The following NEGR1 variants were observed in gnomAD, a reference collection of about 807,000 sequenced individuals.
NEGR1 encodes the protein neuronal growth regulator 1.
A neutral mutation model predicts 40.9 loss-of-function variants in NEGR1; 10 were observed. The observed-to-expected ratio is 0.24, with a 90% CI of 0.15 to 0.42. NEGR1 has a LOEUF of 0.42. Ranked by LOEUF, NEGR1 falls within the 10% of genes least tolerant of loss-of-function variation. The probability of loss-of-function intolerance (pLI) is 1.00; values close to 1 mark genes in which losing one functional copy is unlikely to be tolerated. For missense variants in NEGR1, 352 were observed against 438.9 expected, an observed-to-expected ratio of 0.80 and a Z score of 1.77; for synonymous variants, 185 against 166.8, an observed-to-expected ratio of 1.11 and a Z score of -0.84.
intron 2 of NEGR1, among the ~76,000 whole-genome samples, chr1:71,915,190 A>C (rs1473059792): frequency 6.6e-6 from 1 of 152,190 alleles, no homozygotes; most frequent in Non-Finnish European, 1.5e-5. Context: ...TCTGATTTTA[A>C]AAAGTGACTA....
chr1:72,032,819 C>T (rs1016846833), intron 1 of NEGR1, among the ~76,000 whole-genome samples: 1 of 151,864 alleles, frequency 6.6e-6, no homozygotes, highest in African/African-American at 2.4e-5. Flanking sequence ...GAGTAGACTC[C>T]AGCAATTTAG....
At chr1:71,622,834 G>A (rs1423551312) in intron 4 of NEGR1, among the ~76,000 whole-genome samples, 3 of 151,814 alleles carry the variant, frequency 2.0e-5, no homozygotes, top group African/African-American at 4.8e-5. Context: ...CTCAGAGCCA[G>A]TTTCCTCCAA....
chr1:72,107,249 T>C (rs1040070700), intron 1 of NEGR1, among the ~76,000 whole-genome samples: 1 of 151,694 alleles, frequency 6.6e-6, no homozygotes, highest in Non-Finnish European at 1.5e-5. Context: ...ACCATACTTA[T>C]GAATAGAATG....
intron 1 of NEGR1, among the ~76,000 whole-genome samples, chr1:72,010,096 G>A (rs548311755): frequency 1.2e-4 from 19 of 152,262 alleles, no homozygotes; most frequent in Non-Finnish European, 2.9e-5. Context: ...TGTCCAGCCA[G>A]CTTGTCAGTT....
intron 4 of NEGR1, among the ~76,000 whole-genome samples, chr1:71,639,126 G>A (rs1221863378): frequency 6.7e-6 from 1 of 150,214 alleles, no homozygotes; most frequent in African/African-American, 2.4e-5. Flanking sequence ...GGTGCTCAGA[G>A]TACAGTGTAA....
Position 71,935,291 on chromosome 1 carries a change from G to A in NEGR1, c.197C>T (p.Ala66Val). 1 of 1,613,058 alleles carries A rather than the reference G, an allele frequency of 6.2e-7. No individual in the cohort carries two copies. Among genetic ancestry groups the A allele is most frequent in the Non-Finnish European group, 8.5e-7 (1 of 1,179,144 alleles). Reference protein sequence around the residue: ...AVLRCYLEDGASKGAWLNRSS... With the variant: ...AVLRCYLEDGVSKGAWLNRSS... The stretch of plus-strand genomic sequence containing the variant: ...CCGGTTCAGCCAGGCACCCTTTGAA[G>A]CTCCATCTTCCAAATAACACCTACA... Residue 66 changes from alanine (A) to valine (V), a missense_variant, in exon 2 of 7, where the codon GCT becomes GTT. By Grantham distance (64) the Ala-to-Val change is moderately conservative (BLOSUM62 0). Coordinates refer to ENST00000357731, the MANE Select transcript of NEGR1 (RefSeq NM_173808.3).
At chr1:72,064,114 C>T (rs967401165) in intron 1 of NEGR1, among the ~76,000 whole-genome samples, 1 of 151,768 alleles carries the variant, frequency 6.6e-6, no homozygotes, top group Non-Finnish European at 1.5e-5. Flanking sequence ...TACTCAGAAT[C>T]ATACTGGCCA....
intron 6 of NEGR1, among the ~76,000 whole-genome samples, chr1:71,458,676 AT>A (rs1646692666): frequency 6.6e-6 from 1 of 152,166 alleles, no homozygotes; most frequent in South Asian, 2.1e-4. Flanking sequence ...ATGGCACATA[AT>A]ACATATCCAT....
chr1:71,474,717 C>CAGAAAAAAAAA (rs1646808164), intron 6 of NEGR1, among the ~76,000 whole-genome samples: 1 of 86,032 alleles, frequency 1.2e-5, no homozygotes, highest in South Asian at 4.6e-4. Flanking sequence ...GACTCTATCT[C>CAGAAAAAAAAA]AAAAAAAAAA....
intron 6 of NEGR1, among the ~76,000 whole-genome samples, chr1:71,579,411 T>C (rs575260582): frequency 6.6e-6 from 1 of 152,288 alleles, no homozygotes; most frequent in South Asian, 2.1e-4. Context: ...ACTAGGCATA[T>C]AGATAATAAA....
intron 6 of NEGR1, among the ~76,000 whole-genome samples, chr1:71,449,982 T>A (rs1473958344): frequency 6.7e-6 from 1 of 149,144 alleles, no homozygotes; most frequent in Non-Finnish European, 1.5e-5. Context: ...ATTTTTGGAA[T>A]TTTATATAGA....
intron 1 of NEGR1, among the ~76,000 whole-genome samples, chr1:72,082,824 AT>A (rs1648060878): frequency 1.3e-5 from 2 of 152,132 alleles, no homozygotes; most frequent in South Asian, 2.1e-4. Flanking sequence ...TTCTTAACCA[AT>A]TTTTGCATTA....
chr1:71,417,182 C>T (rs1646361585), intron 6 of NEGR1, among the ~76,000 whole-genome samples: 1 of 152,172 alleles, frequency 6.6e-6, no homozygotes, highest in African/African-American at 2.4e-5. Flanking sequence ...CTTTATCACT[C>T]TCATGTGCAT....
chr1:71,661,831 A>G (rs1258755549), intron 4 of NEGR1, among the ~76,000 whole-genome samples: 2 of 152,168 alleles, frequency 1.3e-5, no homozygotes, highest in Admixed American at 6.5e-5. Flanking sequence ...GCTTAGAAGA[A>G]ACTGTATCAT....
chr1:71,417,037 C>T (rs972396060), intron 6 of NEGR1, among the ~76,000 whole-genome samples: 1 of 152,146 alleles, frequency 6.6e-6, no homozygotes, highest in African/African-American at 2.4e-5. Flanking sequence ...GACAAGGACT[C>T]AGGTATTCTG....
At position 71,909,914 on chromosome 1, in the gene NEGR1, A is replaced by C. The variant is rs1661377634; in HGVS notation, c.409+25165T>G. Among the ~76,000 whole-genome samples the C allele has an allele frequency of 2.6e-5, 4 of 152,188 alleles. No homozygotes were observed. In the South Asian group the frequency reaches 8.3e-4, roughly 32 times the overall value. On this transcript the variant is annotated intron_variant, in intron 2 of 6. Coordinates refer to ENST00000357731, the MANE Select transcript of NEGR1 (RefSeq NM_173808.3). ...AGTCATCAATTGTAGTTATGCATAG[A>C]CTCTATAAATAGTATAGAGATTTAC...
intron 1 of NEGR1, among the ~76,000 whole-genome samples, chr1:72,012,501 A>C (rs1646666030): frequency 6.6e-6 from 1 of 152,094 alleles, no homozygotes; most frequent in East Asian, 1.9e-4. Flanking sequence ...ATTTGAAAGA[A>C]ACATCTGACG....
intron 1 of NEGR1, among the ~76,000 whole-genome samples, chr1:72,052,649 C>T (rs1647073247): frequency 6.6e-6 from 1 of 151,370 alleles, no homozygotes; most frequent in South Asian, 2.1e-4. Context: ...TAATTTTGAA[C>T]AAAGTCAAAG....
chr1:72,021,547 G>GA (rs1646756721), intron 1 of NEGR1, among the ~76,000 whole-genome samples: 1 of 151,630 alleles, frequency 6.6e-6, no homozygotes, highest in Non-Finnish European at 1.5e-5. Context: ...TATTGTGAAT[G>GA]AAAAAAGAAA....
Sources: allele counts gnomAD v4.1 joint callset (sites outside exome capture counted in the v4.1 genomes callset), GRCh38; gene constraint gnomAD v4.1.1; transcripts MANE v1.5; gene names NCBI Gene and HGNC (gene_info 2026-07-23, HGNC 2026-07-21).